The following HORMAD2 variants were observed in gnomAD, a reference collection of about 807,000 sequenced individuals.
The protein encoded by HORMAD2 is HORMA domain-containing protein 2.
HORMAD2 carries 45 observed loss-of-function variants against 38.8 expected under a neutral mutation model. The observed-to-expected ratio is 1.16, with a 90% CI of 0.91 to 1.49. The LOEUF (loss-of-function observed/expected upper bound fraction) is 1.49, where lower values mean the gene tolerates loss of function less well. HORMAD2 is among the 40% of genes most tolerant of loss of function. The probability of loss-of-function intolerance (pLI) is 0.00; values close to 1 mark genes in which losing one functional copy is unlikely to be tolerated. For missense variants in HORMAD2, 338 were observed against 367.0 expected (o/e 0.92, Z 0.65); for synonymous variants, 126 against 122.8 (o/e 1.03, Z -0.17).
intron 10 of HORMAD2, chr22:30,136,597 T>A (rs1462444133): frequency 6.6e-6 from 1 of 151,362 alleles, no homozygotes; most frequent in Admixed American, 6.6e-5. Flanking sequence ...TCACTTAACA[T>A]TGTGTTTTCT....
downstream of HORMAD2, among the ~76,000 whole-genome samples, chr22:30,180,975 T>C (rs145770784): frequency 2.5e-3 from 170 of 67,122 alleles, no homozygotes; most frequent in Non-Finnish European, 3.1e-3. Flanking sequence ...TCCTCTCCTC[T>C]CCTCTCCTCC....
the HORMAD2 span, among the ~76,000 whole-genome samples, chr22:30,188,735 C>G: frequency 6.6e-6 from 1 of 152,178 alleles, no homozygotes; most frequent in Non-Finnish European, 1.5e-5. Flanking sequence ...TAAACTCACC[C>G]CACCTCCTTA....
chr22:30,183,297 A>G, the HORMAD2 span, among the ~76,000 whole-genome samples: 1 of 152,198 alleles, frequency 6.6e-6, no homozygotes, highest in Non-Finnish European at 1.5e-5. Context: ...CACTGGGGTA[A>G]CCACTATATA....
chr22:30,145,477 A>G (rs2146189638), intron 10 of HORMAD2, among the ~76,000 whole-genome samples: 1 of 152,334 alleles, frequency 6.6e-6, no homozygotes, highest in Non-Finnish European at 1.5e-5. Flanking sequence ...ACATCAATAT[A>G]ATGAAGAGAA....
intron 10 of HORMAD2, among the ~76,000 whole-genome samples, chr22:30,125,216 CTTTTTTTTT>C (rs1167990121): frequency 3.9e-4 from 17 of 43,480 alleles, no homozygotes; most frequent in Middle Eastern, 0.036. Context: ...TTTTTCTTTT[CTTTTTTTTT>C]TTTTTTTTTT....
chr22:30,187,687 G>T, the HORMAD2 span, among the ~76,000 whole-genome samples: 1 of 152,170 alleles, frequency 6.6e-6, no homozygotes, highest in Non-Finnish European at 1.5e-5. Context: ...GTGGAATGGA[G>T]TGGGGTAGAG....
At chr22:30,148,979 GA>G (rs1027630512) in intron 10 of HORMAD2, among the ~76,000 whole-genome samples, 27 of 148,724 alleles carry the variant, frequency 1.8e-4, no homozygotes, top group African/African-American at 4.7e-4. Context: ...ACTCCGTCTC[GA>G]AAAAAAAAAT....
chr22:30,170,446 A>T (rs559599095), intron 10 of HORMAD2, among the ~76,000 whole-genome samples: 4 of 152,172 alleles, frequency 2.6e-5, no homozygotes, highest in Non-Finnish European at 4.4e-5. Context: ...TAGTAGGCTG[A>T]CACTTGGAGA....
chr22:30,160,175 A>G (rs753502031), intron 10 of HORMAD2, among the ~76,000 whole-genome samples: 85 of 151,930 alleles, frequency 5.6e-4, no homozygotes, highest in Admixed American at 2.4e-3. Flanking sequence ...TCCTGCTGCC[A>G]CTGTGCCCTG....
At chr22:30,104,484 A>G in intron 5 of HORMAD2, 47 bp downstream of exon 5, 2 of 1,469,778 alleles carry the variant, frequency 1.4e-6, no homozygotes, top group Non-Finnish European at 1.9e-6. Flanking sequence ...CTTGTCTTTT[A>G]TTCTTTAAAA....
At chr22:30,201,415 T>C in the HORMAD2 span, among the ~76,000 whole-genome samples, 1 of 146,650 alleles carries the variant, frequency 6.8e-6, no homozygotes, top group African/African-American at 2.5e-5. Flanking sequence ...GTTAAGACTT[T>C]TTTTTTTTTT....
intron 3 of HORMAD2, among the ~76,000 whole-genome samples, chr22:30,101,365 A>G (rs1430070142): frequency 1.3e-5 from 2 of 151,964 alleles, no homozygotes; most frequent in Non-Finnish European, 2.9e-5. Context: ...GTTCTCACTC[A>G]TAAGTGGGAG....
At chr22:30,204,235 G>A in the HORMAD2 span, among the ~76,000 whole-genome samples, 5 of 152,158 alleles carry the variant, frequency 3.3e-5, no homozygotes, top group Non-Finnish European at 5.9e-5. Flanking sequence ...GGTCACCCAC[G>A]GGCCCCAGAG....
chr22:30,196,667 G>T, the HORMAD2 span, among the ~76,000 whole-genome samples: 1 of 152,194 alleles, frequency 6.6e-6, no homozygotes, highest in African/African-American at 2.4e-5. Flanking sequence ...GTGATGCAAG[G>T]CTACCTTTGA....
intron 10 of HORMAD2, chr22:30,137,332 A>G (rs112219892): frequency 5.9e-6 from 3 of 508,074 alleles, no homozygotes; most frequent in Admixed American, 2.1e-5. Flanking sequence ...TGTCTTTCCC[A>G]TAGTTATTAT....
chr22:30,187,972 T>C, the HORMAD2 span, among the ~76,000 whole-genome samples: 3 of 152,172 alleles, frequency 2.0e-5, no homozygotes, highest in East Asian at 3.8e-4. Flanking sequence ...CCCAAAGTGC[T>C]TGATACAGCA....
chr22:30,082,909 G>A (rs1408061341), intron 1 of HORMAD2, among the ~76,000 whole-genome samples: 2 of 152,060 alleles, frequency 1.3e-5, no homozygotes, highest in East Asian at 1.9e-4. Context: ...TTACCAGAAA[G>A]AGCATAGAAA....
At chr22:30,192,620 A>G in the HORMAD2 span, among the ~76,000 whole-genome samples, 1 of 152,184 alleles carries the variant, frequency 6.6e-6, no homozygotes, top group Non-Finnish European at 1.5e-5. Flanking sequence ...GTTTTTTATA[A>G]GGTTACTAGA....
the HORMAD2 span, among the ~76,000 whole-genome samples, chr22:30,202,410 T>A: frequency 1.3e-4 from 20 of 151,294 alleles, no homozygotes; most frequent in African/African-American, 3.9e-4. Context: ...TTTTTTTTTT[T>A]AATTTATCAG....
Sources: gnomAD v4.1 joint callset for allele counts (sites outside exome capture counted in the v4.1 genomes callset) on GRCh38, gnomAD v4.1.1 for gene constraint, MANE v1.5 for transcripts, NCBI Gene and HGNC (gene_info 2026-07-23, HGNC 2026-07-21) for gene names.